Variants in TMEM132D observed in about 807,000 individuals in gnomAD.
TMEM132D encodes transmembrane protein 132D.
A neutral mutation model predicts 62.3 loss-of-function variants in TMEM132D; 21 were observed. The observed-to-expected ratio is 0.34, with a 90% CI of 0.24 to 0.49. The LOEUF is 0.49. Among genes scored for constraint, TMEM132D ranks in the 20% least tolerant of loss-of-function variants. The probability of loss-of-function intolerance (pLI) is 0.99; values close to 1 mark genes in which losing one functional copy is unlikely to be tolerated. For missense variants in TMEM132D, 1,346 were observed against 1,402.8 expected, an observed-to-expected ratio of 0.96 and a Z score of 0.65; for synonymous variants, 621 against 575.6, an observed-to-expected ratio of 1.08 and a Z score of -1.13.
At chr12:129,090,014 T>A (rs893856019) in intron 5 of TMEM132D, among the ~76,000 whole-genome samples, 3 of 152,186 alleles carry the variant, frequency 2.0e-5, no homozygotes, top group African/African-American at 7.2e-5. Flanking sequence ...GTTCAAACAT[T>A]GTAAAGAGCA....
chr12:129,484,308 C>A (rs1244211994), intron 3 of TMEM132D, among the ~76,000 whole-genome samples: 2 of 152,124 alleles, frequency 1.3e-5, no homozygotes, highest in African/African-American at 4.8e-5. Context: ...TGGGCACTTG[C>A]TTTGTTGCAT....
intron 1 of TMEM132D, among the ~76,000 whole-genome samples, chr12:129,770,161 T>TTTTTTA (rs1870693522): frequency 6.8e-6 from 1 of 147,780 alleles, no homozygotes. Flanking sequence ...TTTTTTTTTT[T>TTTTTTA]GAGATCAGAT....
At chr12:129,396,093 A>T (rs1011301244) in intron 3 of TMEM132D, among the ~76,000 whole-genome samples, 13 of 150,672 alleles carry the variant, frequency 8.6e-5, no homozygotes, top group African/African-American at 1.2e-4. Context: ...ATCTAGATAC[A>T]GATATAGGTA....
Position 129,241,156 on chromosome 12 carries a change from A to G in TMEM132D, c.1300-31493T>C, listed in dbSNP as rs1879927825. 2.0e-5 allele frequency among the ~76,000 whole-genome samples: 3 copies of G among 150,970 alleles called. No individual in the cohort carries two copies. The South Asian group carries it at 6.2e-4, about 31-fold the overall frequency. The stretch of plus-strand genomic sequence containing the variant: ...TGCTTCAGCCCTCTTACCTCAAAAA[A>G]AAAAAAAAAAAAAAGGAAAGAAAAA... On this transcript the variant is annotated intron_variant, in intron 4 of 8. Coordinates refer to ENST00000422113, the MANE Select transcript of TMEM132D (RefSeq NM_133448.3).
intron 2 of TMEM132D, among the ~76,000 whole-genome samples, chr12:129,685,200 GA>G (rs1333789281): frequency 6.6e-6 from 1 of 152,126 alleles, no homozygotes; most frequent in East Asian, 1.9e-4. Context: ...AAGACAATGG[GA>G]AAAAATGTCT....
intron 1 of TMEM132D, among the ~76,000 whole-genome samples, chr12:129,841,639 G>A (rs1873197055): frequency 6.6e-6 from 1 of 152,012 alleles, no homozygotes; most frequent in African/African-American, 2.4e-5. Flanking sequence ...TTTTCTAATA[G>A]GCAAAGTGAT....
At chr12:129,658,969 T>C (rs1018867969) in intron 2 of TMEM132D, among the ~76,000 whole-genome samples, 3 of 152,136 alleles carry the variant, frequency 2.0e-5, no homozygotes, top group South Asian at 2.1e-4. Flanking sequence ...AGTACAATCT[T>C]GGCTCACTGC....
intron 4 of TMEM132D, among the ~76,000 whole-genome samples, chr12:129,255,592 A>G (rs944745731): frequency 3.3e-5 from 5 of 152,248 alleles, no homozygotes; most frequent in Non-Finnish European, 7.3e-5. Context: ...GACATTTTGC[A>G]TGGTACATAA....
chr12:129,184,852 C>T (rs1460711286), intron 5 of TMEM132D, among the ~76,000 whole-genome samples: 4 of 115,640 alleles, frequency 3.5e-5, no homozygotes, highest in Non-Finnish European at 6.8e-5. Context: ...AAAGAAAGGA[C>T]GAGTGTTTGG....
At chr12:129,466,279 CTTTTTTTTTTTTT>C (rs551019541) in intron 3 of TMEM132D, among the ~76,000 whole-genome samples, 3 of 100,382 alleles carry the variant, frequency 3.0e-5, no homozygotes, top group African/African-American at 7.6e-5. Flanking sequence ...TAGATTTTTC[CTTTTTTTTTTTTT>C]TTTTTTTTTT....
At chr12:129,640,242 G>A (rs142647455) in intron 2 of TMEM132D, among the ~76,000 whole-genome samples, 60 of 152,206 alleles carry the variant, frequency 3.9e-4, no homozygotes, top group African/African-American at 1.4e-3. Flanking sequence ...CCAAGGAATC[G>A]TCTTTGTAAC....
chr12:129,190,982 C>T (rs1227224372), intron 5 of TMEM132D, among the ~76,000 whole-genome samples: 3 of 141,582 alleles, frequency 2.1e-5, no homozygotes, highest in Non-Finnish European at 4.7e-5. Context: ...GGCCTGTGGT[C>T]TCCAGCAAGC....
At chr12:129,890,622 C>A (rs919827347) in intron 1 of TMEM132D, among the ~76,000 whole-genome samples, 1 of 152,148 alleles carries the variant, frequency 6.6e-6, no homozygotes, top group African/African-American at 2.4e-5. Flanking sequence ...ACACGAAAGC[C>A]AAAAATGTCA....
At chr12:129,338,739 G>T (rs1869371832) in intron 3 of TMEM132D, among the ~76,000 whole-genome samples, 1 of 152,170 alleles carries the variant, frequency 6.6e-6, no homozygotes, top group African/African-American at 2.4e-5. Flanking sequence ...ACACCTTTGA[G>T]AAATGATCAC....
chr12:129,312,714 G>A (rs1882006624), intron 4 of TMEM132D, among the ~76,000 whole-genome samples: 1 of 151,900 alleles, frequency 6.6e-6, no homozygotes, highest in African/African-American at 2.4e-5. Context: ...GGGACTACAG[G>A]CGCCCGCCAC....
At chr12:129,632,409 A>C (rs926347838) in intron 2 of TMEM132D, among the ~76,000 whole-genome samples, 1 of 152,216 alleles carries the variant, frequency 6.6e-6, no homozygotes, top group African/African-American at 2.4e-5. Flanking sequence ...TGATGAGATT[A>C]GTTCTCAGTT....
At chr12:129,656,040 C>A (rs966412852) in intron 2 of TMEM132D, among the ~76,000 whole-genome samples, 26 of 152,318 alleles carry the variant, frequency 1.7e-4, no homozygotes, top group Non-Finnish European at 1.9e-4. Context: ...CCCACTTTAT[C>A]TTAAGCAATA....
intron 1 of TMEM132D, among the ~76,000 whole-genome samples, chr12:129,787,742 C>T (rs1329169565): frequency 6.6e-6 from 1 of 152,096 alleles, no homozygotes; most frequent in Non-Finnish European, 1.5e-5. Flanking sequence ...AAGTAGAGGC[C>T]ACCAGGGCAA....
At chr12:129,400,608 G>A (rs761555782) in intron 3 of TMEM132D, among the ~76,000 whole-genome samples, 30 of 151,996 alleles carry the variant, frequency 2.0e-4, no homozygotes, top group African/African-American at 5.1e-4. Flanking sequence ...CTATTTTGAC[G>A]ACAAAAACTA....
Sources: allele counts gnomAD v4.1 joint callset (sites outside exome capture counted in the v4.1 genomes callset), GRCh38; gene constraint gnomAD v4.1.1; transcripts MANE v1.5; gene names NCBI Gene and HGNC (gene_info 2026-07-23, HGNC 2026-07-21).